TRAK1: variants seen among roughly 807,000 people sequenced by gnomAD.
The protein encoded by TRAK1 is trafficking kinesin protein 1.
A neutral mutation model predicts 92.1 loss-of-function variants in TRAK1; 33 were observed. The ratio of observed to expected loss-of-function variants is 0.36; its 90% CI spans 0.27 to 0.48. The LOEUF is 0.48. Among genes scored for constraint, TRAK1 ranks in the 20% least tolerant of loss-of-function variants. The pLI is 0.99. For synonymous variants in TRAK1, 521 were observed against 517.3 expected, an observed-to-expected ratio of 1.01 and a Z score of -0.10; for missense variants, 1,123 against 1,257.9, an observed-to-expected ratio of 0.89 and a Z score of 1.62.
chr3:42,123,607 T>A (rs1354975078), intron 1 of TRAK1, among the ~76,000 whole-genome samples: 1 of 152,272 alleles, frequency 6.6e-6, no homozygotes, highest in African/African-American at 2.4e-5. Flanking sequence ...TCCTTTAATT[T>A]TATCTTACCG....
chr3:42,069,514 A>T (rs879498842), intron 1 of TRAK1, among the ~76,000 whole-genome samples: 1 of 152,050 alleles, frequency 6.6e-6, no homozygotes, highest in Non-Finnish European at 1.5e-5. Context: ...ATGAAATTCT[A>T]TTGGAAATAT....
chr3:42,210,196 C>T (rs1708851025), intron 14 of TRAK1: 2 of 1,562,114 alleles, frequency 1.3e-6, no homozygotes, highest in Admixed American at 3.7e-5. Flanking sequence ...ATTCTCACCT[C>T]TGTTCCAGGC....
intron 1 of TRAK1, among the ~76,000 whole-genome samples, chr3:42,107,558 C>T (rs1707763230): frequency 6.6e-6 from 1 of 150,458 alleles, no homozygotes; most frequent in Non-Finnish European, 1.5e-5. Flanking sequence ...AAACAAGAAA[C>T]TTCATCTGAA....
At chr3:42,028,373 A>G (rs1454465686) in intron 1 of TRAK1, among the ~76,000 whole-genome samples, 2 of 152,238 alleles carry the variant, frequency 1.3e-5, no homozygotes, top group Non-Finnish European at 2.9e-5. Flanking sequence ...CACTTAGATC[A>G]GTGATTGCTA....
chr3:42,220,637 A>G, intron 15 of TRAK1: 1 of 982,356 alleles, frequency 1.0e-6, no homozygotes, highest in Non-Finnish European at 1.2e-6. Context: ...GCCCTGTGGA[A>G]GGAGCTGTGT....
rs561392090 is a variant in TRAK1 at position 42,092,089 on chromosome 3, C to T, written c.91+529C>T. On this transcript the variant is annotated intron_variant, in intron 1 of 15. Transcript: ENST00000327628. ...TCCCTCTCTCCCGTTTCCCTCTCTTCCACCCTCCCTTTCTTTTTTGTCCTT... is the reference window on the plus strand; with the variant it reads ...TCCCTCTCTCCCGTTTCCCTCTCTTTCACCCTCCCTTTCTTTTTTGTCCTT... Among the ~76,000 whole-genome samples, 25 of 152,302 alleles carry T rather than the reference C, an allele frequency of 1.6e-4. No individual in the cohort carries two copies. The South Asian group carries it at 3.9e-3, about 24-fold the overall frequency.
upstream of TRAK1, among the ~76,000 whole-genome samples, chr3:42,088,719 G>A (rs896361408): frequency 2.6e-5 from 4 of 152,146 alleles, no homozygotes; most frequent in Admixed American, 1.3e-4. Flanking sequence ...TCACTTTTCA[G>A]TGGTAGTTCA....
At position 42,064,876 on chromosome 3, in the gene TRAK1, C is replaced by T. The variant is rs1703610407; in HGVS notation, c.-518-22228C>T. On this transcript the variant is annotated intron_variant, in intron 1 of 16. Coordinates refer to the TRAK1 transcript ENST00000487159. ...GACCATCCTGGCTGACACGGTGAAA[C>T]CCTGTCTCTACTAAAAATAACAAAA... Among the ~76,000 whole-genome samples, 5 of 152,072 alleles carry T rather than the reference C, an allele frequency of 3.3e-5. No individual in the cohort carries two copies. In the South Asian group the frequency reaches 1.0e-3, roughly 32 times the overall value.
chr3:42,169,365 G>C (rs967226402), intron 2 of TRAK1, among the ~76,000 whole-genome samples: 7 of 151,796 alleles, frequency 4.6e-5, no homozygotes, highest in African/African-American at 1.2e-4. Context: ...CCAATTGATG[G>C]ACTTTTTTGG....
chr3:42,138,878 T>G (rs1044096964), intron 2 of TRAK1, among the ~76,000 whole-genome samples: 9 of 57,088 alleles, frequency 1.6e-4, no homozygotes, highest in Admixed American at 2.9e-4. Flanking sequence ...GCATAGGGGG[T>G]GTGTGTGTGT....
intron 1 of TRAK1, among the ~76,000 whole-genome samples, chr3:42,053,434 T>G (rs1703069906): frequency 1.5e-5 from 2 of 129,688 alleles, no homozygotes; most frequent in African/African-American, 2.8e-5. Context: ...TTAGGGCAAA[T>G]GACTGTTCTG....
At chr3:42,116,901 TGTGGTCTGTAGCATTCTCTGAAGTC>T (rs1709234227) in intron 1 of TRAK1, among the ~76,000 whole-genome samples, 1 of 152,210 alleles carries the variant, frequency 6.6e-6, no homozygotes. Flanking sequence ...TCACCTTTAA[TGTGGTCTGTAGCATTCTCTGAAGTC>T]CCAGAGTGTG....
At chr3:42,144,999 TTTTA>T (rs1313025885) in intron 2 of TRAK1, among the ~76,000 whole-genome samples, 3 of 152,244 alleles carry the variant, frequency 2.0e-5, no homozygotes, top group African/African-American at 7.2e-5. Context: ...TGCATTGTTC[TTTTA>T]TTTTTTAATT....
intron 15 of TRAK1, among the ~76,000 whole-genome samples, chr3:42,219,869 C>A (rs564243821): frequency 5.8e-4 from 79 of 135,660 alleles, no homozygotes; most frequent in Admixed American, 1.8e-3. Context: ...GATCTCGGCT[C>A]ACTGCAACCT....
intron 1 of TRAK1, among the ~76,000 whole-genome samples, chr3:42,060,687 G>T (rs1458833970): frequency 2.0e-5 from 3 of 150,120 alleles, no homozygotes; most frequent in East Asian, 2.0e-4. Flanking sequence ...GAGTGCAGTG[G>T]TGCGATCTCT....
intron 13 of TRAK1, among the ~76,000 whole-genome samples, chr3:42,209,259 T>C (rs148116784): frequency 1.6e-4 from 24 of 152,342 alleles, no homozygotes; most frequent in African/African-American, 5.8e-4. Context: ...TCATTTCTTT[T>C]TGCTTTTCTC....
rs1007423834 is a variant in TRAK1, at chr3:42,187,818, A to G, written c.481-227A>G. Among the ~76,000 whole-genome samples, 5 of 152,240 alleles carry G rather than the reference A, an allele frequency of 3.3e-5. No individual in the cohort carries two copies. In the East Asian group the frequency reaches 9.6e-4, roughly 29 times the overall value. ...TGCTCCTCCCTGTACCAAAGTAAAA[A>G]TTATGAATTTAGACAGCTTTCTACC... On this transcript the variant is annotated intron_variant, in intron 4 of 15. Coordinates refer to ENST00000327628, the MANE Select transcript of TRAK1 (RefSeq NM_001042646.3).
intron 10 of TRAK1, 136 bp downstream of exon 10, chr3:42,195,077 C>A: frequency 9.3e-7 from 1 of 1,076,548 alleles, no homozygotes; most frequent in Non-Finnish European, 1.3e-6. Context: ...GAGTCTGAAT[C>A]AAGGACACTT....
intron 1 of TRAK1, among the ~76,000 whole-genome samples, chr3:42,067,961 C>T (rs1703752977): frequency 6.6e-6 from 1 of 152,008 alleles, no homozygotes; most frequent in Admixed American, 6.6e-5. Flanking sequence ...CATCTGAGGT[C>T]AGGAGTTCGA....
Sources: gnomAD v4.1 joint callset for allele counts (sites outside exome capture counted in the v4.1 genomes callset) on GRCh38, gnomAD v4.1.1 for gene constraint, MANE v1.5 for transcripts, NCBI Gene and HGNC (gene_info 2026-07-23, HGNC 2026-07-21) for gene names.